The following GALNT9 variants were observed in gnomAD, a reference collection of about 807,000 sequenced individuals.
GALNT9 encodes GalNAc transferase 9.
A neutral mutation model predicts 63.1 loss-of-function variants in GALNT9; 47 were observed. The observed-to-expected ratio is 0.75, with a 90% CI of 0.59 to 0.95. GALNT9 has a LOEUF of 0.95. GALNT9 is among the 40% of genes least tolerant of loss of function. GALNT9 has a pLI of 0.00. For synonymous variants in GALNT9, 396 were observed against 365.7 expected (o/e 1.08, Z -0.94); for missense variants, 829 against 874.8 (o/e 0.95, Z 0.66).
intron 8 of GALNT9, 85 bp downstream of exon 8, chr12:132,201,039 C>T: frequency 3.1e-6 from 4 of 1,305,822 alleles, no homozygotes; most frequent in Admixed American, 2.0e-5. Context: ...TGTGGATGTG[C>T]CTGCATCACC....
chr12:132,217,204 C>T (rs1877235680), intron 6 of GALNT9, among the ~76,000 whole-genome samples: 1 of 151,818 alleles, frequency 6.6e-6, no homozygotes, highest in African/African-American at 2.4e-5. Flanking sequence ...ATCCATCCAT[C>T]CCTGCATCCA....
chr12:132,197,761 A>G lies in GALNT9; in HGVS notation c.1665+31T>C, dbSNP rs1477657494. The stretch of plus-strand genomic sequence containing the variant: ...GTCCCAGCAGCCCTGCCCCGCCCCA[A>G]CCCCACGGCCCCCCTTCCCCAGAGG... On this transcript the variant is annotated intron_variant, in intron 10 of 10. Coordinates refer to ENST00000328957, the MANE Select transcript of GALNT9 (RefSeq NM_001122636.2). The G allele has an allele frequency of 1.1e-5, 15 of 1,426,296 alleles. No homozygotes were observed. The East Asian group carries it at 3.8e-4, about 36-fold the overall frequency. 88.4% of individuals were successfully genotyped at this position (1,426,296 alleles called of 1,614,324 possible). A position where few individuals can be genotyped will look rare whatever the true frequency, so the allele number is the denominator to read the frequency against.
chr12:132,286,052 G>A lies in GALNT9; in HGVS notation c.419+198C>T, dbSNP rs1427880612. 2.0e-5 allele frequency among the ~76,000 whole-genome samples: 3 copies of A among 151,976 alleles called. No homozygotes were observed. Among genetic ancestry groups the A allele is most frequent in the Non-Finnish European group, 2.9e-5 (2 of 67,940 alleles). ...CGTGGGGGCAGTCCCCGGCCAGCAC[G>A]GGGGAGCGCTCACTTTCCCGGCCAG... On this transcript the variant is annotated intron_variant, in intron 2 of 10. Coordinates refer to ENST00000328957, the MANE Select transcript of GALNT9 (RefSeq NM_001122636.2). This position sits in a 1 kb window ranked among gnomAD's most constrained non-coding sequence, Gnocchi z 7.4.
chr12:132,248,331 C>T (rs1231182561), intron 5 of GALNT9, among the ~76,000 whole-genome samples: 6 of 152,148 alleles, frequency 3.9e-5, no homozygotes, highest in South Asian at 2.1e-4. Context: ...ATCAATCGGC[C>T]GGCACAGTAG....
intron 6 of GALNT9, among the ~76,000 whole-genome samples, chr12:132,222,960 C>G (rs1593071248): frequency 2.7e-5 from 4 of 147,466 alleles, no homozygotes; most frequent in East Asian, 2.0e-4. Context: ...AACTCACACC[C>G]CACACAACCC....
chr12:132,237,207 C>T (rs1878037290), intron 6 of GALNT9, among the ~76,000 whole-genome samples: 3 of 152,112 alleles, frequency 2.0e-5, no homozygotes, highest in Admixed American at 6.5e-5. Context: ...CGTGGAGCTC[C>T]TGTATCTGCC....
chr12:132,196,942 GACACCCTGGTCACTCAGCC>G lies in GALNT9; in HGVS notation c.*146_*164del. On this transcript the variant is annotated 3_prime_UTR_variant, in exon 11 of 11. Transcript: ENST00000328957. ...AAGCTGTACTCCAGATGCAGTGGGT[GACACCCTGGTCACTCAGCC>G]ACACCCCGGCCCCTCAGCCTCTGCT... 6.9e-6 allele frequency: 10 copies of G among 1,459,742 alleles called. No individual in the cohort carries two copies. The highest frequency in any genetic ancestry group is 1.4e-5 in the South Asian group (1 of 70,196). 90.4% of individuals were successfully genotyped at this position (1,459,742 alleles called of 1,614,324 possible).
At chr12:132,228,340 C>T (rs978403186) in intron 6 of GALNT9, among the ~76,000 whole-genome samples, 21 of 141,916 alleles carry the variant, frequency 1.5e-4, no homozygotes, top group African/African-American at 3.3e-4. Context: ...CGGGGCGGCC[C>T]GTCAGCACCT....
chr12:132,240,710 G>C (rs913060931), intron 6 of GALNT9: 2 of 455,664 alleles, frequency 4.4e-6, no homozygotes, highest in African/African-American at 2.0e-5. Context: ...ACCTTATCTT[G>C]CTGGAACCCT....
intron 1 of GALNT9, among the ~76,000 whole-genome samples, chr12:132,304,350 C>G (rs1428344303): frequency 8.6e-6 from 1 of 116,420 alleles, no homozygotes; most frequent in Non-Finnish European, 1.7e-5. Flanking sequence ...CCTGGGCACA[C>G]CCTCACCCGG....
chr12:132,240,604 G>A (rs2136898813), intron 6 of GALNT9: 8 of 455,268 alleles, frequency 1.8e-5, no homozygotes, highest in Middle Eastern at 6.6e-4. Context: ...GGCTCCGTGC[G>A]TGGCCCCGGG....
intron 6 of GALNT9, chr12:132,240,657 T>A (rs1878235015): frequency 2.2e-6 from 1 of 454,102 alleles, no homozygotes; most frequent in African/African-American, 2.0e-5. Context: ...TCCTCTTCAC[T>A]CTCTGCCGTG....
chr12:132,202,155 G>T (rs1301224130), intron 7 of GALNT9, among the ~76,000 whole-genome samples: 2 of 152,244 alleles, frequency 1.3e-5, no homozygotes, highest in Non-Finnish European at 2.9e-5. Context: ...CTGTTATGAG[G>T]TTTTAATCAG....
At chr12:132,321,845 C>T (rs1350499869) in intron 1 of GALNT9, among the ~76,000 whole-genome samples, 2 of 152,142 alleles carry the variant, frequency 1.3e-5, no homozygotes, top group African/African-American at 4.8e-5. Flanking sequence ...ACACCTGTCC[C>T]CTCATACAGG....
At position 132,203,738 on chromosome 12, in the gene GALNT9, GGCAGCCCGGCCAGCTAGGGGC is replaced by G. The variant is rs543882988; in HGVS notation, c.1078-69_1078-49del. 7,749 of 1,585,420 alleles carry G rather than the reference GGCAGCCCGGCCAGCTAGGGGC, an allele frequency of 4.9e-3. 271 individuals carry two copies. The East Asian group carries it at 0.072, about 15-fold the overall frequency. ...GCCGGCGTCCTTCCCAACGGAAGCG[GGCAGCCCGGCCAGCTAGGGGC>G]CCGTGAGAGGCCAAGGGGCCCGGCC... On this transcript the variant is annotated intron_variant, in intron 6 of 10. Transcript: ENST00000328957.
In GALNT9 at chr12:132,236,458, C is replaced by T. The variant is rs143686124; in HGVS notation, c.1077+11452G>A. On this transcript the variant is annotated intron_variant, in intron 6 of 10. Coordinates refer to ENST00000328957, the MANE Select transcript of GALNT9 (RefSeq NM_001122636.2). The surrounding 1 kb of genome is among the most constrained non-coding windows in gnomAD (Gnocchi z 5.6). ...TGAGGCCCCATAGCACCTGTCATCA[C>T]GGCTGCCAGGGAGTCAGCTCTGCAA... Among the ~76,000 whole-genome samples the T allele has an allele frequency of 7.6e-4, 116 of 152,160 alleles. No individual in the cohort carries two copies. The highest frequency in any genetic ancestry group is 2.5e-3 in the South Asian group (12 of 4,816).
chr12:132,228,224 A>G (rs1260157700), intron 6 of GALNT9, among the ~76,000 whole-genome samples: 2 of 151,254 alleles, frequency 1.3e-5, no homozygotes, highest in East Asian at 2.0e-4. Context: ...GAAAGGAGAC[A>G]CCCCCGCGTC....
chr12:132,227,256 C>T (rs901910713), intron 6 of GALNT9, among the ~76,000 whole-genome samples: 34 of 152,294 alleles, frequency 2.2e-4, no homozygotes, highest in South Asian at 1.0e-3. Context: ...CTCCCCAGCT[C>T]GTCAGCAGAA....
intron 4 of GALNT9, among the ~76,000 whole-genome samples, chr12:132,259,896 G>A (rs1486583877): frequency 6.6e-6 from 1 of 152,210 alleles, no homozygotes; most frequent in African/African-American, 2.4e-5. Flanking sequence ...TGGGGAAAAT[G>A]TCCTCCCGGG....
Sources: allele counts gnomAD v4.1 joint callset (sites outside exome capture counted in the v4.1 genomes callset), GRCh38; gene constraint gnomAD v4.1.1; non-coding constraint Gnocchi (gnomAD v3.1); transcripts MANE v1.5; gene names NCBI Gene and HGNC (gene_info 2026-07-23, HGNC 2026-07-21).